Variants in PRKAR2B observed in about 807,000 individuals in gnomAD.
The protein encoded by PRKAR2B is protein kinase cAMP-dependent type II regulatory subunit beta.
Under a neutral mutation model 49.9 loss-of-function variants are expected in PRKAR2B, and 14 were observed. The observed-to-expected ratio is 0.28, with a 90% CI of 0.19 to 0.44. The LOEUF is 0.44. PRKAR2B is among the 20% of genes least tolerant of loss of function. The pLI, the probability that PRKAR2B is intolerant of heterozygous loss-of-function variation, is 1.00. For synonymous variants in PRKAR2B, 196 were observed against 197.7 expected (o/e 0.99, Z 0.07); for missense variants, 393 against 537.9 (o/e 0.73, Z 2.67).
Position 107,067,576 on chromosome 7 carries a change from A to G in PRKAR2B, c.308-2705A>G, listed in dbSNP as rs140406031. 2.4e-3 allele frequency among the ~76,000 whole-genome samples: 364 copies of G among 152,356 alleles called. 3 individuals carry two copies. The highest frequency in any genetic ancestry group is 8.2e-3 in the African/African-American group (343 of 41,584). ...AAGGAGAAATAAATTAAAATAATTT[A>G]TAGCAAGTAAAATGTATTTCAGTAG... is the stretch of plus-strand genomic sequence containing the variant. On this transcript the variant is annotated intron_variant, in intron 1 of 10. Transcript: ENST00000265717.
chr7:107,104,932 C>A (rs533224276), intron 2 of PRKAR2B, among the ~76,000 whole-genome samples: 48 of 152,266 alleles, frequency 3.2e-4, no homozygotes, highest in Non-Finnish European at 5.9e-4. Flanking sequence ...AGTACTGCTT[C>A]ATTAACTGCC....
intron 8 of PRKAR2B, among the ~76,000 whole-genome samples, chr7:107,155,842 A>G (rs1244923396): frequency 6.6e-6 from 1 of 152,224 alleles, no homozygotes; most frequent in Non-Finnish European, 1.5e-5. Context: ...AATAACAAAG[A>G]CATGGAACCA....
chr7:107,152,628 A>G (rs548337006), intron 7 of PRKAR2B, among the ~76,000 whole-genome samples: 15 of 152,228 alleles, frequency 9.9e-5, no homozygotes, highest in Non-Finnish European at 1.8e-4. Context: ...AGACAGGCAT[A>G]TATATGTACC....
chr7:107,087,502 A>G (rs1794643742), intron 2 of PRKAR2B, among the ~76,000 whole-genome samples: 1 of 152,168 alleles, frequency 6.6e-6, no homozygotes, highest in South Asian at 2.1e-4. Context: ...CATGTATTAA[A>G]TCATTTTATT....
intron 2 of PRKAR2B, among the ~76,000 whole-genome samples, chr7:107,099,359 G>A (rs1266544336): frequency 2.0e-5 from 3 of 152,156 alleles, no homozygotes; most frequent in South Asian, 2.1e-4. Flanking sequence ...TGCTAAGACT[G>A]TTGGAAAAGC....
intron 5 of PRKAR2B, among the ~76,000 whole-genome samples, chr7:107,143,507 G>A (rs1178761602): frequency 6.6e-6 from 1 of 152,202 alleles, no homozygotes; most frequent in Non-Finnish European, 1.5e-5. Flanking sequence ...GTATTCTGGG[G>A]ATGCTACTAT....
At chr7:107,070,953 G>A (rs2536501) in intron 2 of PRKAR2B, among the ~76,000 whole-genome samples, 113,255 of 152,106 alleles carry the variant, frequency 0.74, 43,198 homozygotes, top group African/African-American at 0.93. Flanking sequence ...AAGGGCGTAC[G>A]TTAACTTCAA....
intron 2 of PRKAR2B, among the ~76,000 whole-genome samples, chr7:107,085,769 G>A (rs62483581): frequency 0.39 from 59,741 of 151,982 alleles, 14,456 homozygotes; most frequent in Non-Finnish European, 0.51. Flanking sequence ...ATGACTTAAA[G>A]CCACCTCTTG....
chr7:107,104,933 A>G (rs1795045458), intron 2 of PRKAR2B, among the ~76,000 whole-genome samples: 1 of 152,196 alleles, frequency 6.6e-6, no homozygotes, highest in Non-Finnish European at 1.5e-5. Flanking sequence ...GTACTGCTTC[A>G]TTAACTGCCC....
chr7:107,070,052 TTTTAA>T (rs1794232690), intron 1 of PRKAR2B: 4 of 358,884 alleles, frequency 1.1e-5, no homozygotes, highest in South Asian at 4.0e-5. Flanking sequence ...GGGATTTTTC[TTTTAA>T]TTTAAAGTGC....
At chr7:107,152,485 T>C (rs1479981970) in intron 7 of PRKAR2B, among the ~76,000 whole-genome samples, 1 of 152,216 alleles carries the variant, frequency 6.6e-6, no homozygotes, top group Non-Finnish European at 1.5e-5. Context: ...TTTTTATCTT[T>C]GAAGGTAGAG....
chr7:107,102,493 T>C (rs867021861), intron 2 of PRKAR2B, among the ~76,000 whole-genome samples: 1 of 152,228 alleles, frequency 6.6e-6, no homozygotes, highest in African/African-American at 2.4e-5. Context: ...ACGCTGTTGC[T>C]CTAATAAATT....
At chr7:107,152,416 G>A (rs1796003998) in intron 7 of PRKAR2B, among the ~76,000 whole-genome samples, 2 of 152,188 alleles carry the variant, frequency 1.3e-5, no homozygotes, top group Non-Finnish European at 2.9e-5. Flanking sequence ...TTCCTACACA[G>A]CTGCAGGGCT....
chr7:107,052,690 A>G (rs1793831070), intron 1 of PRKAR2B, among the ~76,000 whole-genome samples: 1 of 152,210 alleles, frequency 6.6e-6, no homozygotes, highest in Non-Finnish European at 1.5e-5. Context: ...AGCACATATC[A>G]AAAAATAAGC....
chr7:107,104,444 A>G (rs1339698179), intron 2 of PRKAR2B, among the ~76,000 whole-genome samples: 1 of 152,164 alleles, frequency 6.6e-6, no homozygotes, highest in Non-Finnish European at 1.5e-5. Flanking sequence ...GTGAGAATGT[A>G]TCCCATGTAT....
chr7:107,064,713 A>G (rs1324102950), intron 1 of PRKAR2B, among the ~76,000 whole-genome samples: 1 of 152,202 alleles, frequency 6.6e-6, no homozygotes, highest in Non-Finnish European at 1.5e-5. Flanking sequence ...CTGTGTATCT[A>G]GAAATACATA....
At chr7:107,058,233 T>C (rs1156843997) in intron 1 of PRKAR2B, among the ~76,000 whole-genome samples, 6 of 152,180 alleles carry the variant, frequency 3.9e-5, no homozygotes, top group Admixed American at 3.9e-4. Context: ...TTTAGGAACC[T>C]GTAGGTAGAA....
chr7:107,088,995 C>A (rs1794672412), intron 2 of PRKAR2B, among the ~76,000 whole-genome samples: 1 of 151,638 alleles, frequency 6.6e-6, no homozygotes, highest in Non-Finnish European at 1.5e-5. Flanking sequence ...ATGGTAAAAC[C>A]CCGTCTCTAC....
chr7:107,069,137 T>C (rs1385176280), intron 1 of PRKAR2B, among the ~76,000 whole-genome samples: 1 of 152,152 alleles, frequency 6.6e-6, no homozygotes, highest in Admixed American at 6.5e-5. Context: ...GGTTTCCTCA[T>C]GTTGGCCATG....
Sources: allele counts gnomAD v4.1 joint callset (sites outside exome capture counted in the v4.1 genomes callset), GRCh38; gene constraint gnomAD v4.1.1; transcripts MANE v1.5; gene names NCBI Gene and HGNC (gene_info 2026-07-23, HGNC 2026-07-21).